CDC73: variants seen among roughly 807,000 people sequenced by gnomAD.
CDC73 encodes cell division cycle 73, also known as parafibromin.
CDC73 carries 21 observed loss-of-function variants against 83.7 expected under a neutral mutation model. The ratio of observed to expected loss-of-function variants is 0.25; its 90% CI spans 0.18 to 0.36. The LOEUF is 0.36. Ranked by LOEUF, CDC73 falls within the 10% of genes least tolerant of loss-of-function variation. CDC73 has a pLI of 1.00. For synonymous variants in CDC73, 224 were observed against 212.9 expected (o/e 1.05, Z -0.45); for missense variants, 342 against 653.3 (o/e 0.52, Z 5.19).
At chr1:193,229,766 T>G (rs915350401) in intron 13 of CDC73, among the ~76,000 whole-genome samples, 1 of 152,196 alleles carries the variant, frequency 6.6e-6, no homozygotes, top group African/African-American at 2.4e-5. Flanking sequence ...GCAGGTATGA[T>G]TATCAGAAAC....
chr1:193,151,265 G>A (rs879370446), intron 9 of CDC73, among the ~76,000 whole-genome samples: 4 of 152,164 alleles, frequency 2.6e-5, no homozygotes, highest in South Asian at 2.1e-4. Flanking sequence ...TTGCCTTGAT[G>A]CAATGAATTT....
At chr1:193,236,642 C>T (rs1042380024) in intron 15 of CDC73, among the ~76,000 whole-genome samples, 1 of 152,096 alleles carries the variant, frequency 6.6e-6, no homozygotes, top group Non-Finnish European at 1.5e-5. Flanking sequence ...CACCTGTAAT[C>T]TCAGCACTTT....
At position 193,250,729 on chromosome 1, in the gene CDC73, A is replaced by G. The variant is rs758236997; in HGVS notation, c.*17A>G. The G allele has an allele frequency of 6.9e-6, 11 of 1,598,278 alleles. No homozygotes were observed. Among genetic ancestry groups the G allele is most frequent in the South Asian group, 1.1e-5 (1 of 90,704 alleles). The stretch of plus-strand genomic sequence containing the variant: ...AGATTCTGAATTATTTGGCTCCTCC[A>G]TTTCTGGAAATTGAGACTCAAGCTT... On this transcript the variant is annotated 3_prime_UTR_variant, in exon 17 of 17. Transcript: ENST00000367435.
intron 13 of CDC73, among the ~76,000 whole-genome samples, chr1:193,218,429 A>T (rs546393283): frequency 1.6e-4 from 24 of 152,344 alleles, no homozygotes; most frequent in African/African-American, 5.3e-4. Flanking sequence ...TAAAATCCAT[A>T]TGGAACCAAA....
chr1:193,162,208 ATATAT>A (rs1238663370), intron 10 of CDC73, among the ~76,000 whole-genome samples: 1 of 9,800 alleles, frequency 1.0e-4, no homozygotes, highest in African/African-American at 4.5e-4. Flanking sequence ...TGTATATAAT[ATATAT>A]TATATATTAT....
chr1:193,224,224 G>T (rs1027574671), intron 13 of CDC73, among the ~76,000 whole-genome samples: 10 of 150,162 alleles, frequency 6.7e-5, no homozygotes, highest in Admixed American at 1.3e-4. Context: ...GTTTTTTTTT[G>T]GGAATTATTG....
intron 3 of CDC73, among the ~76,000 whole-genome samples, chr1:193,134,192 G>A (rs981344936): frequency 1.3e-5 from 2 of 151,802 alleles, no homozygotes. Flanking sequence ...AAAAAAACTT[G>A]CCATTATATA....
intron 10 of CDC73, among the ~76,000 whole-genome samples, chr1:193,188,631 C>G (rs1405747163): frequency 1.3e-5 from 2 of 152,084 alleles, no homozygotes; most frequent in Non-Finnish European, 2.9e-5. Context: ...TTCCCTACCC[C>G]TTTCTCCAGG....
At chr1:193,245,330 G>A (rs1468707733) in intron 15 of CDC73, among the ~76,000 whole-genome samples, 1 of 152,018 alleles carries the variant, frequency 6.6e-6, no homozygotes, top group Non-Finnish European at 1.5e-5. Flanking sequence ...ACTTCTATGA[G>A]TTCAACTTTT....
rs1001903755 is a variant in CDC73 at position 193,253,095 on chromosome 1, A to G, written c.*2383A>G. 8.2e-5 allele frequency: 19 copies of G among 232,168 alleles called. No homozygotes were observed. The highest frequency in any genetic ancestry group is 3.4e-4 in the Admixed American group (6 of 17,734). The allele number at this position is 232,168 out of a possible 1,614,324, so 14.4% of individuals were successfully genotyped here. On this transcript the variant is annotated 3_prime_UTR_variant, in exon 17 of 17. Coordinates refer to ENST00000367435, the MANE Select transcript of CDC73 (RefSeq NM_024529.5). ...CTGTAAAGGAAAAAGTTCTATTTCT[A>G]TATTTATAGGACATTCTTCTCAGTC... is the stretch of plus-strand genomic sequence containing the variant.
chr1:193,212,688 A>G (rs1208189278), intron 13 of CDC73, among the ~76,000 whole-genome samples: 2 of 152,190 alleles, frequency 1.3e-5, no homozygotes, highest in Non-Finnish European at 2.9e-5. Context: ...ACTTCTGGCT[A>G]AAGTCCTAAT....
At chr1:193,246,512 A>G (rs1242389376) in intron 15 of CDC73, among the ~76,000 whole-genome samples, 1 of 152,132 alleles carries the variant, frequency 6.6e-6, no homozygotes, top group Non-Finnish European at 1.5e-5. Context: ...ATCATACAAA[A>G]ACCACTAGCA....
chr1:193,141,226 T>G (rs1174441517), intron 6 of CDC73: 2 of 152,352 alleles, frequency 1.3e-5, no homozygotes, highest in Non-Finnish European at 2.9e-5. Context: ...TGACGTATAC[T>G]TTCAGTGTTG....
At chr1:193,164,641 C>T (rs1676403545) in intron 10 of CDC73, among the ~76,000 whole-genome samples, 1 of 151,778 alleles carries the variant, frequency 6.6e-6, no homozygotes, top group Non-Finnish European at 1.5e-5. Flanking sequence ...ATTTTTAACT[C>T]TTCATTAAAA....
At chr1:193,123,892 G>A (rs1165300093) in intron 1 of CDC73, among the ~76,000 whole-genome samples, 1 of 152,148 alleles carries the variant, frequency 6.6e-6, no homozygotes, top group African/African-American at 2.4e-5. Context: ...TTCTAGTTGG[G>A]GTTATTTAGG....
In CDC73 at chr1:193,251,979, A is replaced by G. The variant is rs78218016; in HGVS notation, c.*1267A>G. ...TTCCCAGCAATTTTCTCCTAGGTTA[A>G]CATATTTTTGGTGAACGTTTAGGCC... On this transcript the variant is annotated 3_prime_UTR_variant, in exon 17 of 17. Transcript: ENST00000367435. 4,045 of 231,532 alleles carry G rather than the reference A, an allele frequency of 0.017. 50 individuals are homozygous for G. The highest frequency in any genetic ancestry group is 0.025 in the Non-Finnish European group (2,904 of 116,974). 14.3% of individuals were successfully genotyped at this position (231,532 alleles called of 1,614,324 possible).
chr1:193,227,011 T>G (rs1390844501), intron 13 of CDC73, among the ~76,000 whole-genome samples: 1 of 152,136 alleles, frequency 6.6e-6, no homozygotes, highest in African/African-American at 2.4e-5. Flanking sequence ...ATTGGTCTGT[T>G]TAGGGTATCC....
In CDC73 at chr1:193,250,839, A is replaced by AGAT. The variant is rs1358128194; in HGVS notation, c.*131_*133dup. 1 of 852,538 alleles carries AGAT rather than the reference A, an allele frequency of 1.2e-6. No homozygotes were observed. The highest frequency in any genetic ancestry group is 1.9e-6 in the Non-Finnish European group (1 of 513,076). 52.8% of individuals were successfully genotyped at this position (852,538 alleles called of 1,614,324 possible). ...TTATTTGATGCTTTGTGCTTCAAGG[A>AGAT]GATGATACCTGTCATCCATATAAGC... On this transcript the variant is annotated 3_prime_UTR_variant, in exon 17 of 17. Transcript: ENST00000367435.
At chr1:193,184,949 T>TA (rs1190999710) in intron 10 of CDC73, among the ~76,000 whole-genome samples, 4 of 152,020 alleles carry the variant, frequency 2.6e-5, no homozygotes, top group African/African-American at 9.7e-5. Flanking sequence ...GGATCTTTGA[T>TA]AGATTTGTAG....
Sources: allele counts gnomAD v4.1 joint callset (sites outside exome capture counted in the v4.1 genomes callset), GRCh38; gene constraint gnomAD v4.1.1; transcripts MANE v1.5; gene names NCBI Gene and HGNC (gene_info 2026-07-23, HGNC 2026-07-21).